The following TBCEL variants were observed in gnomAD, a reference collection of about 807,000 sequenced individuals.
TBCEL encodes tubulin-specific chaperone cofactor E-like protein.
In TBCEL, 15 loss-of-function variants were observed where a neutral mutation model predicts 44.2. That is an observed-to-expected ratio of 0.34 (90% CI 0.23 to 0.52). The LOEUF (loss-of-function observed/expected upper bound fraction) is 0.52. Among genes scored for constraint, TBCEL ranks in the 20% least tolerant of loss-of-function variants. The pLI, the probability that TBCEL is intolerant of heterozygous loss-of-function variation, is 0.95. For missense variants in TBCEL, 319 were observed against 506.3 expected, an observed-to-expected ratio of 0.63 and a Z score of 3.55; for synonymous variants, 171 against 185.4, an observed-to-expected ratio of 0.92 and a Z score of 0.63.
chr11:121,086,321 G>A (rs972249177), intron 8 of TBCEL, among the ~76,000 whole-genome samples: 18 of 152,190 alleles, frequency 1.2e-4, no homozygotes, highest in Non-Finnish European at 1.0e-4. Context: ...TAGTAACAAA[G>A]AACTACATGT....
intron 2 of TBCEL, among the ~76,000 whole-genome samples, chr11:121,043,662 G>A (rs951589464): frequency 2.6e-5 from 4 of 151,932 alleles, no homozygotes; most frequent in South Asian, 2.1e-4. Context: ...ACAGTTGCCT[G>A]GATTCCCTAC....
intron 2 of TBCEL, among the ~76,000 whole-genome samples, chr11:121,038,359 TG>T (rs1273585875): frequency 6.6e-6 from 1 of 152,196 alleles, no homozygotes; most frequent in Non-Finnish European, 1.5e-5. Context: ...GGGAAAAATA[TG>T]TAACATATAC....
intron 4 of TBCEL, among the ~76,000 whole-genome samples, chr11:121,049,833 T>C (rs964417024): frequency 5.3e-5 from 8 of 151,800 alleles, no homozygotes; most frequent in Admixed American, 5.3e-4. Context: ...GTGTGTACAC[T>C]AAGTAATTCA....
chr11:121,080,252 G>A (rs1199269324), intron 8 of TBCEL, among the ~76,000 whole-genome samples: 1 of 152,148 alleles, frequency 6.6e-6, no homozygotes, highest in Non-Finnish European at 1.5e-5. Context: ...AAGTAATATA[G>A]CATTACCTAG....
chr11:121,076,265 T>C (rs1946031103), intron 8 of TBCEL, among the ~76,000 whole-genome samples: 1 of 151,982 alleles, frequency 6.6e-6, no homozygotes, highest in East Asian at 1.9e-4. Flanking sequence ...ATAGAATAAT[T>C]TGTCCAGAAT....
chr11:121,033,699 T>G (rs923649357), intron 1 of TBCEL, among the ~76,000 whole-genome samples: 1 of 152,218 alleles, frequency 6.6e-6, no homozygotes, highest in Admixed American at 6.5e-5. Context: ...TTTTGTAGTT[T>G]AGTGGCATTA....
chr11:121,048,325 A>G (rs1349752454), intron 4 of TBCEL, among the ~76,000 whole-genome samples: 1 of 151,956 alleles, frequency 6.6e-6, no homozygotes, highest in African/African-American at 2.4e-5. Flanking sequence ...GTGGTTTGAC[A>G]TAACTGATGT....
intron 8 of TBCEL, among the ~76,000 whole-genome samples, 173 bp from the exon 9 acceptor site, chr11:121,086,605 G>A (rs1471227221): frequency 6.6e-6 from 1 of 152,110 alleles, no homozygotes; most frequent in Non-Finnish European, 1.5e-5. Flanking sequence ...CAGTTTTACT[G>A]TGGCCTCCCT....
rs1376834004 is a variant in TBCEL at position 121,055,215 on chromosome 11, C to T, written c.619C>T (p.Leu207=). 1 of 1,612,320 alleles carries T rather than the reference C, an allele frequency of 6.2e-7. No homozygotes were observed. Among genetic ancestry groups the T allele is most frequent in the East Asian group, 2.2e-5 (1 of 44,808 alleles). The change falls in exon 6 of 9, where the codon CTG becomes TTG. Residue 207 remains leucine, a synonymous_variant. Coordinates refer to ENST00000683345, the MANE Select transcript of TBCEL (RefSeq NM_001363644.2). ...VMFPSLDTLV[L]ANNHLNAIEE... ...GTTTCCTTCACTGGATACCCTCGTC[C>T]TGGCCAACAATCATTTGAATGCTAT... is the stretch of plus-strand genomic sequence containing the variant.
chr11:121,050,208 C>T (rs916663912), intron 4 of TBCEL, among the ~76,000 whole-genome samples: 3 of 151,626 alleles, frequency 2.0e-5, no homozygotes, highest in African/African-American at 2.4e-5. Flanking sequence ...CTTCATAGGT[C>T]GCCTGTTTTA....
At chr11:121,025,973 G>A (rs1032452125) in intron 1 of TBCEL, among the ~76,000 whole-genome samples, 2 of 152,024 alleles carry the variant, frequency 1.3e-5, no homozygotes, top group African/African-American at 4.8e-5. Flanking sequence ...CCACTTAGTT[G>A]CTTTATCACA....
At chr11:121,059,453 T>C (rs1304211637) in intron 7 of TBCEL, among the ~76,000 whole-genome samples, 1 of 151,894 alleles carries the variant, frequency 6.6e-6, no homozygotes, top group African/African-American at 2.4e-5. Flanking sequence ...ACTTGAAATA[T>C]GTCTTGTCTG....
chr11:121,032,397 C>T (rs1945161679), intron 1 of TBCEL, among the ~76,000 whole-genome samples: 1 of 152,080 alleles, frequency 6.6e-6, no homozygotes, highest in Non-Finnish European at 1.5e-5. Context: ...AATTGTTACT[C>T]CTAGGGGAAA....
In TBCEL at chr11:121,086,859, A is replaced by G. The variant is rs764002240; in HGVS notation, c.1038A>G (p.Val346=). ...VDLRPQSSAK[V]EVHFNDQVEE... ...TAAGACCCCAGAGCAGTGCAAAAGT[A>G]GAAGTCCACTTTAACGATCAGGTGG... The change falls in exon 9 of 9, where the codon GTA becomes GTG. Residue 346 remains valine (V), a synonymous_variant. Transcript: ENST00000683345. The G allele has an allele frequency of 1.2e-6, 2 of 1,614,014 alleles. No individual in the cohort carries two copies. Among genetic ancestry groups the G allele is most frequent in the East Asian group, 4.5e-5 (2 of 44,830 alleles).
intron 4 of TBCEL, among the ~76,000 whole-genome samples, chr11:121,049,721 C>T (rs11603987): frequency 0.027 from 4,063 of 151,780 alleles, 146 homozygotes; most frequent in African/African-American, 0.077. Context: ...GGTTTTGTGC[C>T]TGGACCATGT....
chr11:121,032,161 T>C (rs1382959336), intron 1 of TBCEL, among the ~76,000 whole-genome samples: 2 of 152,348 alleles, frequency 1.3e-5, no homozygotes, highest in Admixed American at 1.3e-4. Flanking sequence ...TTTTCCCAGA[T>C]TGTTATTCAC....
chr11:121,057,591 A>T (rs1209023663), intron 6 of TBCEL: 1 of 455,102 alleles, frequency 2.2e-6, no homozygotes, highest in South Asian at 1.6e-5. Flanking sequence ...CCAACTGCAG[A>T]TTGAAAATAC....
intron 7 of TBCEL, among the ~76,000 whole-genome samples, chr11:121,059,156 G>T (rs745857260): frequency 3.4e-4 from 52 of 152,046 alleles, no homozygotes; most frequent in Non-Finnish European, 6.5e-4. Context: ...CTAAAGAAGA[G>T]TGGTTCTTTA....
At chr11:121,051,158 C>T (rs1945521445) in intron 4 of TBCEL, among the ~76,000 whole-genome samples, 1 of 151,356 alleles carries the variant, frequency 6.6e-6, no homozygotes, top group African/African-American at 2.4e-5. Flanking sequence ...TCAGTTTTAC[C>T]TTTTAGGATA....
Sources: allele counts gnomAD v4.1 joint callset (sites outside exome capture counted in the v4.1 genomes callset), GRCh38; gene constraint gnomAD v4.1.1; transcripts MANE v1.5; gene names NCBI Gene and HGNC (gene_info 2026-07-23, HGNC 2026-07-21).